The following STEAP3 variants were observed in gnomAD, a reference collection of about 807,000 sequenced individuals.
STEAP3 encodes the protein STEAP3 metalloreductase.
A neutral mutation model predicts 34.9 loss-of-function variants in STEAP3; 35 were observed. The ratio of observed to expected loss-of-function variants is 1.00; its 90% CI spans 0.76 to 1.33. The LOEUF is 1.33. Among genes scored for constraint, STEAP3 ranks in the 40% most tolerant of loss-of-function variants. STEAP3 has a pLI of 0.00. For missense variants in STEAP3, 652 were observed against 667.6 expected, an observed-to-expected ratio of 0.98 and a Z score of 0.26; for synonymous variants, 281 against 301.6, an observed-to-expected ratio of 0.93 and a Z score of 0.71.
intron 5 of STEAP3, among the ~76,000 whole-genome samples, chr2:119,255,688 T>A (rs838074): frequency 0.061 from 9,308 of 151,916 alleles, 343 homozygotes; most frequent in Non-Finnish European, 0.081. Flanking sequence ...TGAGCGATTC[T>A]TCCAGGAGTT....
chr2:119,253,852 G>C (rs1215616061), intron 4 of STEAP3, among the ~76,000 whole-genome samples: 2 of 152,116 alleles, frequency 1.3e-5, no homozygotes, highest in Non-Finnish European at 2.9e-5. Context: ...GTGAGGGCAG[G>C]GTAAGGGCAG....
At chr2:119,257,717 A>G in intron 5 of STEAP3, 1 of 1,392,818 alleles carries the variant, frequency 7.2e-7, no homozygotes, top group East Asian at 2.9e-5. Context: ...CTTTAAAGTT[A>G]GCGTGGCTAG....
rs570963132 is a variant in STEAP3 at position 119,254,256 on chromosome 2, C to T, written c.1051-428C>T. Among the ~76,000 whole-genome samples, 12 of 152,160 alleles carry T rather than the reference C, an allele frequency of 7.9e-5. No individual in the cohort carries two copies. In the South Asian group the frequency reaches 2.3e-3, roughly 29 times the overall value. ...TCCTGGGATTCTGGGGCCGGAAAACCGTGAGACGGAGCCATGCTTAAGGGC... is the reference window on the plus strand; with the variant it reads ...TCCTGGGATTCTGGGGCCGGAAAACTGTGAGACGGAGCCATGCTTAAGGGC... On this transcript the variant is annotated intron_variant, in intron 4 of 5. Transcript: ENST00000393110.
At chr2:119,250,152 A>T (rs1019679735) in intron 4 of STEAP3, among the ~76,000 whole-genome samples, 1 of 152,240 alleles carries the variant, frequency 6.6e-6, no homozygotes, top group African/African-American at 2.4e-5. Flanking sequence ...TTCTACAGGC[A>T]AACCAAATTC....
At chr2:119,225,657 G>A (rs914749004) in intron 1 of STEAP3, among the ~76,000 whole-genome samples, 2 of 152,258 alleles carry the variant, frequency 1.3e-5, no homozygotes, top group Non-Finnish European at 2.9e-5. Context: ...GTTAAAAAGT[G>A]AAAGTTCTTG....
At chr2:119,256,733 T>C (rs1265409228) in intron 5 of STEAP3, among the ~76,000 whole-genome samples, 1 of 152,146 alleles carries the variant, frequency 6.6e-6, no homozygotes, top group Non-Finnish European at 1.5e-5. Context: ...AAAAACCAGA[T>C]GTCAATATGG....
Position 119,256,846 on chromosome 2 carries a change from T to G in STEAP3, c.1215+1998T>G, listed in dbSNP as rs146025218. On this transcript the variant is annotated intron_variant, in intron 5 of 5. Coordinates refer to ENST00000393110, the MANE Select transcript of STEAP3 (RefSeq NM_182915.3). Reference sequence around the variant, plus strand: ...GCAGAGCATGTCTGCTCCAAGAGCCTCAGTTTACACCCCTGAAAAATGGAG... The same window carrying G: ...GCAGAGCATGTCTGCTCCAAGAGCCGCAGTTTACACCCCTGAAAAATGGAG... 7.2e-4 allele frequency among the ~76,000 whole-genome samples: 109 copies of G among 152,302 alleles called. 1 individual carries two copies. The highest frequency in any genetic ancestry group is 2.4e-3 in the African/African-American group (100 of 41,546).
At chr2:119,245,311 GGAAGGGGC>G in intron 2 of STEAP3, 170 bp from the exon 3 acceptor site, 3 of 835,418 alleles carry the variant, frequency 3.6e-6, no homozygotes, top group Non-Finnish European at 5.5e-6. Context: ...CTCTCCCCAG[GGAAGGGGC>G]TGTGTTGTGT....
At chr2:119,257,464 C>G (rs982586871) in intron 5 of STEAP3, 79 of 1,527,692 alleles carry the variant, frequency 5.2e-5, no homozygotes, top group Middle Eastern at 1.7e-4. Flanking sequence ...CAGTGTGTGG[C>G]AACTTCCAGT....
Position 119,235,112 on chromosome 2 carries a change from C to T in STEAP3, c.22+4078C>T, listed in dbSNP as rs558067577. On this transcript the variant is annotated intron_variant, in intron 2 of 5. Transcript: ENST00000393110. Reference sequence around the variant, plus strand: ...TGGATCCCCAAGATCTTCATGGTCCCCTAGAACTGCTCCTCTCCCCAGCCT... The same window carrying T: ...TGGATCCCCAAGATCTTCATGGTCCTCTAGAACTGCTCCTCTCCCCAGCCT... Among the ~76,000 whole-genome samples, 323 of 152,270 alleles carry T rather than the reference C, an allele frequency of 2.1e-3. 1 individual carries two copies. Among genetic ancestry groups the T allele is most frequent in the African/African-American group, 7.5e-3 (310 of 41,564 alleles).
At chr2:119,253,260 C>T (rs838077) in intron 4 of STEAP3, among the ~76,000 whole-genome samples, 18 of 152,170 alleles carry the variant, frequency 1.2e-4, no homozygotes, top group Admixed American at 7.2e-4. Flanking sequence ...TCCCTAGACT[C>T]CTGGTCCCTT....
rs1558762667 is a variant in STEAP3, at chr2:119,264,807, C to CTGCCA, written c.*1469_*1470insTGCCA. The CTGCCA allele has an allele frequency of 7.9e-6, 1 of 127,340 alleles. No individual in the cohort carries two copies. Among genetic ancestry groups the CTGCCA allele is most frequent in the East Asian group, 3.3e-4 (1 of 2,994 alleles). The allele number at this position is 127,340 out of a possible 1,614,324, so 7.9% of individuals were successfully genotyped here. A position where few individuals can be genotyped will look rare whatever the true frequency, so the allele number is the denominator to read the frequency against. ...GTCACAGATGAGGCTGCCCCTGCCCCCCCCCCGCCAGGGAGGTTTCATGAG... is the reference window on the plus strand; with the variant it reads ...GTCACAGATGAGGCTGCCCCTGCCCCTGCCACCCCCCGCCAGGGAGGTTTCATGAG... On this transcript the variant is annotated 3_prime_UTR_variant, in exon 6 of 6. Coordinates refer to ENST00000393110, the MANE Select transcript of STEAP3 (RefSeq NM_182915.3).
rs549002524 is a variant in STEAP3 at position 119,230,851 on chromosome 2, A to C, written c.-162A>C. 1 of 871,290 alleles carries C rather than the reference A, an allele frequency of 1.1e-6. No individual in the cohort carries two copies. The highest frequency in any genetic ancestry group is 1.8e-6 in the Non-Finnish European group (1 of 542,124). 54.0% of individuals were successfully genotyped at this position (871,290 alleles called of 1,614,324 possible). On this transcript the variant is annotated 5_prime_UTR_variant, in exon 2 of 6. Coordinates refer to ENST00000393110, the MANE Select transcript of STEAP3 (RefSeq NM_182915.3). ...AGCTGGCGTGCAGGCTGCGGGAGGC[A>C]GCTGGCTGTGCAAGACCCTGGCAGG... is the stretch of plus-strand genomic sequence containing the variant.
At chr2:119,238,697 A>G (rs925241852) in intron 2 of STEAP3, among the ~76,000 whole-genome samples, 2 of 152,208 alleles carry the variant, frequency 1.3e-5, no homozygotes, top group Non-Finnish European at 2.9e-5. Flanking sequence ...AGTCCTGAGG[A>G]TGAGAGAAGA....
At chr2:119,227,781 T>C (rs1048305028) in intron 1 of STEAP3, among the ~76,000 whole-genome samples, 2 of 151,630 alleles carry the variant, frequency 1.3e-5, no homozygotes, top group African/African-American at 2.4e-5. Flanking sequence ...CATGCTGGGG[T>C]CTGTGAGGGA....
At chr2:119,257,569 C>A in intron 5 of STEAP3, 4 of 1,543,314 alleles carry the variant, frequency 2.6e-6, no homozygotes, top group Non-Finnish European at 3.5e-6. Flanking sequence ...TTCCTAGGCC[C>A]TCGGAGCTTC....
intron 5 of STEAP3, among the ~76,000 whole-genome samples, chr2:119,262,355 C>CAT (rs779113209): frequency 4.0e-5 from 6 of 150,556 alleles, no homozygotes; most frequent in African/African-American, 4.9e-5. Flanking sequence ...CACACACACA[C>CAT]ATATACATGT....
At chr2:119,262,944 G>A in intron 5 of STEAP3, 113 bp from the exon 6 acceptor site, 2 of 1,429,186 alleles carry the variant, frequency 1.4e-6, no homozygotes, top group Non-Finnish European at 9.5e-7. Context: ...CCATAGCGGT[G>A]AGTACTAAAG....
intron 5 of STEAP3, chr2:119,257,886 G>A: frequency 3.9e-6 from 1 of 255,446 alleles, no homozygotes; most frequent in Non-Finnish European, 6.2e-6. Flanking sequence ...CCCCAAGAGA[G>A]GGTTATTGGA....
Sources: allele counts gnomAD v4.1 joint callset (sites outside exome capture counted in the v4.1 genomes callset), GRCh38; gene constraint gnomAD v4.1.1; transcripts MANE v1.5; gene names NCBI Gene and HGNC (gene_info 2026-07-23, HGNC 2026-07-21).